The following KALRN variants were observed in gnomAD, a reference collection of about 807,000 sequenced individuals.
The protein encoded by KALRN is kalirin RhoGEF kinase.
A neutral mutation model predicts 353.7 loss-of-function variants in KALRN; 70 were observed. The ratio of observed to expected loss-of-function variants is 0.20; its 90% CI spans 0.16 to 0.24. The LOEUF is 0.24. Ranked by LOEUF, KALRN falls within the 10% of genes least tolerant of loss-of-function variation. The pLI is 1.00. For missense variants in KALRN, 2,791 were observed against 3,756.7 expected (o/e 0.74, Z 6.72); for synonymous variants, 1,391 against 1,434.8 (o/e 0.97, Z 0.69).
intron 9 of KALRN, among the ~76,000 whole-genome samples, chr3:124,342,505 G>T (rs188885218): frequency 6.6e-6 from 1 of 152,160 alleles, no homozygotes; most frequent in East Asian, 1.9e-4. Flanking sequence ...CTTTTTTATG[G>T]CTGAATAGTA....
At position 124,517,676 on chromosome 3, in the gene KALRN, T is replaced by TTCACTCTC. The variant is rs2066771592; in HGVS notation, c.4935+21270_4935+21277dup. 6.6e-5 allele frequency among the ~76,000 whole-genome samples: 10 copies of TTCACTCTC among 152,240 alleles called. No individual in the cohort carries two copies. In the South Asian group the frequency reaches 1.9e-3, roughly 28 times the overall value. ...GGTCTCCAGCTTGGCTCCCCACTCG[T>TTCACTCTC]TCACTCTCTCACTCAGGAATTCACT... On this transcript the variant is annotated intron_variant, in intron 33 of 59. Transcript: ENST00000682506.
intron 1 of KALRN, among the ~76,000 whole-genome samples, chr3:124,064,415 G>A (rs2042194716): frequency 6.6e-6 from 1 of 152,168 alleles, no homozygotes; most frequent in African/African-American, 2.4e-5. Flanking sequence ...AGGACTTTTA[G>A]CTCCTGAAGA....
At chr3:124,542,735 G>A (rs919061338) in intron 33 of KALRN, among the ~76,000 whole-genome samples, 1 of 152,174 alleles carries the variant, frequency 6.6e-6, no homozygotes, top group African/African-American at 2.4e-5. Flanking sequence ...AGGAACCAAG[G>A]CTTAGAGAGG....
chr3:124,390,457 A>G (rs1368866795), intron 11 of KALRN, among the ~76,000 whole-genome samples: 1 of 152,154 alleles, frequency 6.6e-6, no homozygotes, highest in Non-Finnish European at 1.5e-5. Context: ...CCATATACAC[A>G]TGCTCCTCTA....
At chr3:124,652,043 T>C (rs544548887) in intron 38 of KALRN, among the ~76,000 whole-genome samples, 38 of 152,278 alleles carry the variant, frequency 2.5e-4, no homozygotes, top group African/African-American at 1.4e-4. Context: ...GTAGTGAGAA[T>C]TGGGAAGGCA....
At chr3:124,146,817 C>T (rs2067394023) in intron 1 of KALRN, among the ~76,000 whole-genome samples, 1 of 121,654 alleles carries the variant, frequency 8.2e-6, no homozygotes, top group African/African-American at 3.1e-5. Context: ...GCAGAGGTTG[C>T]AGTGAGCTGA....
At chr3:124,339,574 G>C (rs1221663022) in intron 9 of KALRN, among the ~76,000 whole-genome samples, 1 of 152,202 alleles carries the variant, frequency 6.6e-6, no homozygotes, top group African/African-American at 2.4e-5. Flanking sequence ...CCTAGGAGCT[G>C]CTCCCCTTCA....
At position 124,422,918 on chromosome 3, in the gene KALRN, G is replaced by A; in HGVS notation, c.2649G>A (p.Gln883=). The A allele has an allele frequency of 1.2e-6, 2 of 1,613,910 alleles. No individual in the cohort carries two copies. The highest frequency in any genetic ancestry group is 1.1e-5 in the South Asian group (1 of 91,070). Residue 883 remains glutamine, a synonymous_variant, in exon 15 of 60, where the codon CAG becomes CAA. Transcript: ENST00000682506. ...KQHELELNAE[Q]THKRLEQCLQ... is the part of the protein sequence containing the mutation. The stretch of plus-strand genomic sequence containing the variant: ...ATGAATTGGAGCTCAATGCAGAGCA[G>A]ACTCATAAGCGGCTAGAGCAGTGCC...
chr3:124,064,216 C>G (rs923530264), intron 1 of KALRN, among the ~76,000 whole-genome samples: 1 of 151,876 alleles, frequency 6.6e-6, no homozygotes, highest in African/African-American at 2.4e-5. Flanking sequence ...CCACTGGATG[C>G]TAAGGAAGCA....
Position 124,488,332 on chromosome 3 carries a change from C to G in KALRN, c.4396+17C>G, listed in dbSNP as rs2062775534. 1 of 1,525,750 alleles carries G rather than the reference C, an allele frequency of 6.6e-7. No homozygotes were observed. Among genetic ancestry groups the G allele is most frequent in the African/African-American group, 1.4e-5 (1 of 73,224 alleles). 94.5% of individuals were successfully genotyped at this position (1,525,750 alleles called of 1,614,324 possible). On this transcript the variant is annotated intron_variant, in intron 29 of 59. Coordinates refer to ENST00000682506, the MANE Select transcript of KALRN (RefSeq NM_001388419.1). Reference sequence around the variant, plus strand: ...TGCTGGAAGGTAGCTGTCCTCCCAGCACTGGGGAAGCCTCCTCTCTTCCTT... The same window carrying G: ...TGCTGGAAGGTAGCTGTCCTCCCAGGACTGGGGAAGCCTCCTCTCTTCCTT...
At chr3:124,420,844 G>A (rs2092746273) in intron 14 of KALRN, among the ~76,000 whole-genome samples, 1 of 152,180 alleles carries the variant, frequency 6.6e-6, no homozygotes, top group Non-Finnish European at 1.5e-5. Context: ...ATATGTTGCA[G>A]GTGTGTTGGT....
chr3:124,063,009 G>T (rs189410505), intron 1 of KALRN, among the ~76,000 whole-genome samples: 2 of 152,312 alleles, frequency 1.3e-5, no homozygotes, highest in Admixed American at 1.3e-4. Flanking sequence ...TGGGAGGAGA[G>T]AGCTAGATGC....
At chr3:124,070,881 G>A (rs2059984476) in intron 1 of KALRN, among the ~76,000 whole-genome samples, 1 of 152,164 alleles carries the variant, frequency 6.6e-6, no homozygotes, top group African/African-American at 2.4e-5. Context: ...TATAAAAAGA[G>A]AGGATTTCAC....
rs2084795229 is a variant in KALRN, at chr3:124,660,959, T to C, written c.6253T>C (p.Cys2085Arg). ...ATACAGTGAGAAGGCTGGTTTGGAG[T>C]GTTCAGATATTGAGGTGAGTTTTCT... ...LRYSEKAGLECSDIEKAVELM... is the reference protein window; with the variant it reads ...LRYSEKAGLERSDIEKAVELM... Residue 2085 changes from cysteine (C) to arginine (R), a missense_variant, in exon 44 of 60, where the codon TGT becomes CGT. Around this residue, in one of 11 missense-constraint regions of KALRN, gnomAD observed 1,065 missense variants for 1,156.4 expected, o/e 0.92. Coordinates refer to ENST00000682506, the MANE Select transcript of KALRN (RefSeq NM_001388419.1). 6.2e-7 allele frequency: 1 copy of C among 1,609,894 alleles called. No individual in the cohort carries two copies. The highest frequency in any genetic ancestry group is 1.1e-5 in the South Asian group (1 of 91,004).
At chr3:124,377,008 A>C (rs1261823257) in intron 10 of KALRN, among the ~76,000 whole-genome samples, 1 of 152,216 alleles carries the variant, frequency 6.6e-6, no homozygotes, top group African/African-American at 2.4e-5. Flanking sequence ...AATTCAAAGT[A>C]ATAAAGAAGC....
chr3:124,572,657 G>A (rs2073669546), intron 34 of KALRN, among the ~76,000 whole-genome samples: 1 of 152,208 alleles, frequency 6.6e-6, no homozygotes, highest in Non-Finnish European at 1.5e-5. Flanking sequence ...TTAAGTAAAA[G>A]TGATTTTTAA....
At chr3:124,210,467 C>T (rs2076809849) in intron 1 of KALRN, among the ~76,000 whole-genome samples, 1 of 152,150 alleles carries the variant, frequency 6.6e-6, no homozygotes, top group South Asian at 2.1e-4. Flanking sequence ...CTCATTTCTC[C>T]TCTGGGATGC....
At chr3:124,504,189 A>G (rs564107502) in intron 33 of KALRN, among the ~76,000 whole-genome samples, 2 of 152,282 alleles carry the variant, frequency 1.3e-5, no homozygotes, top group South Asian at 4.1e-4. Flanking sequence ...TGATAGCTGC[A>G]AGGGTAACCA....
At chr3:124,320,640 T>C (rs971700440) in intron 6 of KALRN, among the ~76,000 whole-genome samples, 1 of 152,154 alleles carries the variant, frequency 6.6e-6, no homozygotes, top group African/African-American at 2.4e-5. Flanking sequence ...CATGCCAAGG[T>C]GGTTGAGGCA....
Sources: gnomAD v4.1 joint callset for allele counts (sites outside exome capture counted in the v4.1 genomes callset) on GRCh38, gnomAD v4.1.1 for gene constraint, gnomAD v4.1.1 regional missense constraint, MANE v1.5 for transcripts, NCBI Gene and HGNC (gene_info 2026-07-23, HGNC 2026-07-21) for gene names.